PAX7: variants seen among roughly 807,000 people sequenced by gnomAD.
The protein encoded by PAX7 is paired box 7, also known as paired box protein Pax-7.
PAX7 carries 18 observed loss-of-function variants against 50.7 expected under a neutral mutation model. That is an observed-to-expected ratio of 0.36 (90% CI 0.25 to 0.53). PAX7 has a LOEUF of 0.53. Ranked by LOEUF, PAX7 falls within the 20% of genes least tolerant of loss-of-function variation. The probability of loss-of-function intolerance (pLI) is 0.93; values close to 1 mark genes in which losing one functional copy is unlikely to be tolerated. For synonymous variants in PAX7, 310 were observed against 290.4 expected (o/e 1.07, Z -0.69); for missense variants, 644 against 702.9 (o/e 0.92, Z 0.95).
intron 4 of PAX7, among the ~76,000 whole-genome samples, chr1:18,649,293 C>A (rs997930127): frequency 5.3e-5 from 8 of 152,090 alleles, no homozygotes; most frequent in African/African-American, 1.7e-4. Context: ...GGGAATGAGG[C>A]CTTTCCCCAT....
chr1:18,675,686 C>T (rs2088813199), intron 4 of PAX7, among the ~76,000 whole-genome samples: 1 of 152,240 alleles, frequency 6.6e-6, no homozygotes, highest in African/African-American at 2.4e-5. Flanking sequence ...TTGTAAACAG[C>T]TTTTGAAGTC....
chr1:18,725,337 G>C (rs1166636401), intron 7 of PAX7, among the ~76,000 whole-genome samples: 122 of 150,396 alleles, frequency 8.1e-4, no homozygotes, highest in Non-Finnish European at 1.2e-3. Flanking sequence ...GCCAGGCCAG[G>C]GGGGCCTGAG....
At position 18,694,507 on chromosome 1, in the gene PAX7, AATAT is replaced by A. The variant is rs758821074; in HGVS notation, c.786+2556_786+2559del. On this transcript the variant is annotated intron_variant, in intron 5 of 8. Transcript: ENST00000420770. ...AAATAAATAAATAAATAAATAAATA[AATAT>A]AAAATAAAATAAATCAAGAACATTT... 5.1e-3 allele frequency among the ~76,000 whole-genome samples: 742 copies of A among 144,700 alleles called. 7 individuals carry two copies. The highest frequency in any genetic ancestry group is 0.035 in the East Asian group (174 of 4,954). The allele number at this position is 144,700 out of a possible 152,430, so 94.9% of individuals were successfully genotyped here. A position where few individuals can be genotyped will look rare whatever the true frequency, so the allele number is the denominator to read the frequency against.
At chr1:18,647,651 G>A (rs1347173237) in intron 4 of PAX7, among the ~76,000 whole-genome samples, 2 of 152,150 alleles carry the variant, frequency 1.3e-5, no homozygotes, top group East Asian at 1.9e-4. Flanking sequence ...GCTAGGAAGC[G>A]TAAATGCTAT....
In PAX7 at chr1:18,744,560, A is replaced by AG. The variant is rs560103698; in HGVS notation, c.1403-252dup. 4.3e-4 allele frequency among the ~76,000 whole-genome samples: 64 copies of AG among 147,306 alleles called. 1 individual carries two copies. In the East Asian group the frequency reaches 5.0e-3, roughly 11 times the overall value. ...ATGGACAGAATGGATGGGTGGATGGAGGCATGGATGCATGGATATGGCTGG... is the reference window on the plus strand; with the variant it reads ...ATGGACAGAATGGATGGGTGGATGGAGGGCATGGATGCATGGATATGGCTGG... On this transcript the variant is annotated intron_variant, in intron 8 of 8. Transcript: ENST00000420770.
chr1:18,631,725 C>T (rs2088051811), intron 1 of PAX7, 37 bp downstream of exon 1: 4 of 1,546,852 alleles, frequency 2.6e-6, no homozygotes, highest in African/African-American at 1.4e-5. Flanking sequence ...GCGACTCCGC[C>T]GCCCGGAACT....
chr1:18,680,896 G>A (rs997940015), intron 4 of PAX7, among the ~76,000 whole-genome samples: 2 of 152,078 alleles, frequency 1.3e-5, no homozygotes, highest in African/African-American at 4.8e-5. Flanking sequence ...GGTGGCTCAC[G>A]CCTGTAATCC....
intron 4 of PAX7, among the ~76,000 whole-genome samples, chr1:18,661,889 GC>G (rs2088605726): frequency 6.6e-6 from 1 of 152,232 alleles, no homozygotes; most frequent in African/African-American, 2.4e-5. Flanking sequence ...TTAAGCGGCT[GC>G]CTGTTTGTTT....
intron 4 of PAX7, among the ~76,000 whole-genome samples, chr1:18,670,646 T>C (rs1019501680): frequency 1.3e-5 from 2 of 152,166 alleles, no homozygotes. Context: ...TCCGTCAGTC[T>C]ATCTGTCCAT....
At chr1:18,680,207 A>T (rs1365491786) in intron 4 of PAX7, among the ~76,000 whole-genome samples, 3 of 152,326 alleles carry the variant, frequency 2.0e-5, no homozygotes, top group African/African-American at 4.8e-5. Context: ...GAGCTGCATC[A>T]GTACCCTAGG....
At chr1:18,674,232 C>A (rs1045596831) in intron 4 of PAX7, among the ~76,000 whole-genome samples, 3 of 152,160 alleles carry the variant, frequency 2.0e-5, no homozygotes, top group Non-Finnish European at 4.4e-5. Flanking sequence ...CTTCTTGGAG[C>A]GGAAACAGGG....
intron 7 of PAX7, among the ~76,000 whole-genome samples, chr1:18,731,013 T>G (rs1213425524): frequency 6.6e-6 from 1 of 152,150 alleles, no homozygotes; most frequent in Non-Finnish European, 1.5e-5. Context: ...TGCCTTCAGA[T>G]AAAACCTTAC....
chr1:18,655,550 C>G (rs2088501842), intron 4 of PAX7, among the ~76,000 whole-genome samples: 1 of 152,188 alleles, frequency 6.6e-6, no homozygotes. Context: ...GGCCTCGCTC[C>G]CATTGAGGGG....
intron 6 of PAX7, among the ~76,000 whole-genome samples, chr1:18,701,605 C>G (rs1260778530): frequency 6.6e-6 from 1 of 152,040 alleles, no homozygotes; most frequent in Non-Finnish European, 1.5e-5. Context: ...TTTCTTGCCT[C>G]TCTCTGGAAA....
At chr1:18,721,163 A>G (rs549570954) in intron 7 of PAX7, among the ~76,000 whole-genome samples, 107 of 152,174 alleles carry the variant, frequency 7.0e-4, no homozygotes, top group African/African-American at 2.4e-3. Flanking sequence ...TCCCATGCAC[A>G]GGGGGCTGCC....
intron 4 of PAX7, among the ~76,000 whole-genome samples, chr1:18,679,083 CCAGCAGCGGTT>C (rs2088862031): frequency 6.6e-6 from 1 of 152,226 alleles, no homozygotes; most frequent in Non-Finnish European, 1.5e-5. Flanking sequence ...TCAAAGCACA[CCAGCAGCGGTT>C]TGAACGCTTC....
rs556769283 is a variant in PAX7, at chr1:18,689,997, C to A, written c.587-1757C>A. On this transcript the variant is annotated intron_variant, in intron 4 of 8. Coordinates refer to ENST00000420770, the MANE Select transcript of PAX7 (RefSeq NM_001135254.2). Reference sequence around the variant, plus strand: ...TGGAAGGGGTCAGGGGCGGGGAGCACAGTTTGAGTGAACCTCACGTTACCT... The same window carrying A: ...TGGAAGGGGTCAGGGGCGGGGAGCAAAGTTTGAGTGAACCTCACGTTACCT... Among the ~76,000 whole-genome samples, 33 of 152,270 alleles carry A rather than the reference C, an allele frequency of 2.2e-4. No homozygotes were observed. The South Asian group carries it at 6.6e-3, about 31-fold the overall frequency.
At position 18,632,452 on chromosome 1, in the gene PAX7, C is replaced by T. The variant is rs2743181; in HGVS notation, c.85+764C>T. On this transcript the variant is annotated intron_variant, in intron 1 of 8. Coordinates refer to ENST00000420770, the MANE Select transcript of PAX7 (RefSeq NM_001135254.2). The surrounding 1 kb of genome is among the most constrained non-coding windows in gnomAD (Gnocchi z 6.3). ...GCCCGCCCGGGGAGACCCGATAGGA[C>T]GGGCGGCGGCGAACCGGGTCCTGGC... Among the ~76,000 whole-genome samples, 20,501 of 152,032 alleles carry T rather than the reference C, an allele frequency of 0.13. 1,718 individuals are homozygous for T. Among genetic ancestry groups the T allele is most frequent in the African/African-American group, 0.23 (9,629 of 41,444 alleles).
In PAX7 at chr1:18,744,659, C is replaced by CGGATGGATAGATGGAT. The variant is rs1553145034; in HGVS notation, c.1403-147_1403-146insAGATGGATGGATGGAT. Among the ~76,000 whole-genome samples, 100 of 91,000 alleles carry CGGATGGATAGATGGAT rather than the reference C, an allele frequency of 1.1e-3. 1 individual carries two copies. The highest frequency in any genetic ancestry group is 4.1e-3 in the African/African-American group (93 of 22,882). The allele number at this position is 91,000 out of a possible 152,430, so 59.7% of individuals were successfully genotyped here. On this transcript the variant is annotated intron_variant, in intron 8 of 8. Coordinates refer to ENST00000420770, the MANE Select transcript of PAX7 (RefSeq NM_001135254.2). ...TGAAAGAATGGATGAGTAGACAGGA[C>CGGATGGATAGATGGAT]GGATGGATGGATGGATGGATGGATG...
Sources: allele counts gnomAD v4.1 joint callset (sites outside exome capture counted in the v4.1 genomes callset), GRCh38; gene constraint gnomAD v4.1.1; non-coding constraint Gnocchi (gnomAD v3.1); transcripts MANE v1.5; gene names NCBI Gene and HGNC (gene_info 2026-07-23, HGNC 2026-07-21).